LARP1B: variants seen among roughly 807,000 people sequenced by gnomAD.
The protein encoded by LARP1B is La ribonucleoprotein 1B.
Under a neutral mutation model 114.2 loss-of-function variants are expected in LARP1B, and 76 were observed. The ratio of observed to expected loss-of-function variants is 0.67; its 90% CI spans 0.55 to 0.81. LARP1B has a LOEUF of 0.81. LARP1B is among the 30% of genes least tolerant of loss of function. The pLI, the probability that LARP1B is intolerant of heterozygous loss-of-function variation, is 0.00. For synonymous variants in LARP1B, 345 were observed against 348.0 expected (o/e 0.99, Z 0.10); for missense variants, 1,014 against 1,075.8 (o/e 0.94, Z 0.80).
At chr4:128,198,086 T>C (rs967909187) in intron 15 of LARP1B, among the ~76,000 whole-genome samples, 27 of 152,058 alleles carry the variant, frequency 1.8e-4, no homozygotes, top group Non-Finnish European at 3.4e-4. Context: ...GGTTTCACCA[T>C]GTTGGCCAGG....
chr4:128,122,479 T>G (rs1444257613), intron 11 of LARP1B: 1 of 1,526,996 alleles, frequency 6.5e-7, no homozygotes, highest in African/African-American at 1.4e-5. Context: ...GTTTTTGTTT[T>G]AGGTGACAAT....
At chr4:128,172,508 C>T (rs1744168913) in intron 12 of LARP1B, among the ~76,000 whole-genome samples, 1 of 152,030 alleles carries the variant, frequency 6.6e-6, no homozygotes, top group Admixed American at 6.5e-5. Context: ...GCCTGGCCAA[C>T]ATGGTGAAAC....
At chr4:128,219,031 A>G (rs1256511397) in intron 6 of LARP1B, among the ~76,000 whole-genome samples, 2 of 133,942 alleles carry the variant, frequency 1.5e-5, no homozygotes, top group African/African-American at 5.6e-5. Context: ...GCAGCCAAAA[A>G]ACACATGAAA....
In LARP1B at chr4:128,065,322, T is replaced by TTTC. The variant is rs1403545113; in HGVS notation, c.-78+3921_-78+3922insTTC. ...CTTTCTTTCTTTCTTTCTTTCTCTC[T>TTTC]CTCTCTCTCTTTCCTTTCTTTTCTT... is the stretch of plus-strand genomic sequence containing the variant. On this transcript the variant is annotated intron_variant, in intron 1 of 19. Coordinates refer to ENST00000326639, the MANE Select transcript of LARP1B (RefSeq NM_018078.4). Among the ~76,000 whole-genome samples the TTTC allele has an allele frequency of 8.8e-3, 1,271 of 143,896 alleles. 32 individuals carry two copies. Among genetic ancestry groups the TTTC allele is most frequent in the Non-Finnish European group, 0.012 (790 of 65,880 alleles). 94.4% of individuals were successfully genotyped at this position (143,896 alleles called of 152,430 possible).
At chr4:128,082,051 T>G (rs1231226610) in intron 4 of LARP1B, 114 bp from the exon 5 acceptor site, 1 of 1,022,312 alleles carries the variant, frequency 9.8e-7, no homozygotes, top group Non-Finnish European at 1.5e-6. Flanking sequence ...ACAAATAATC[T>G]TAAAATACAC....
chr4:128,099,028 C>T (rs964785807), intron 8 of LARP1B, among the ~76,000 whole-genome samples: 17 of 150,850 alleles, frequency 1.1e-4, no homozygotes, highest in East Asian at 2.0e-4. Context: ...CGCCCACCTT[C>T]GCCTCCCAAA....
chr4:128,115,808 A>C (rs903693199), intron 10 of LARP1B, among the ~76,000 whole-genome samples: 5 of 152,050 alleles, frequency 3.3e-5, no homozygotes, highest in African/African-American at 9.7e-5. Flanking sequence ...GGGTCACTCC[A>C]CCATGCCCAA....
At chr4:128,134,876 G>C (rs1428258879) in intron 11 of LARP1B, among the ~76,000 whole-genome samples, 1 of 152,132 alleles carries the variant, frequency 6.6e-6, no homozygotes, top group East Asian at 1.9e-4. Context: ...AGGCTGAGGT[G>C]GGTCAATCAC....
rs1391115158 is a variant in LARP1B at position 128,090,042 on chromosome 4, GT to G, written c.359-958del. On this transcript the variant is annotated intron_variant, in intron 5 of 19. Transcript: ENST00000326639. ...CCTGTCTCAGCCTACCAAAGTGCTG[GT>G]ATTACAAGTGTGAGCCACCACACCG... Among the ~76,000 whole-genome samples, 6 of 149,414 alleles carry G rather than the reference GT, an allele frequency of 4.0e-5. No individual in the cohort carries two copies. The South Asian group carries it at 1.1e-3, about 26-fold the overall frequency.
rs1775769998 is a variant in LARP1B, at chr4:128,091,145, G to A, written c.502+1G>A. 6 of 1,607,854 alleles carry A rather than the reference G, an allele frequency of 3.7e-6. No individual in the cohort carries two copies. Among genetic ancestry groups the A allele is most frequent in the Non-Finnish European group, 5.1e-6 (6 of 1,178,670 alleles). On this transcript the variant is annotated splice_donor_variant, in intron 6 of 19. Transcript: ENST00000326639. LOFTEE classifies it high-confidence loss of function. ...GGACGAGGCAGAGGAAATCCTCGAT[G>A]TATGACATAATTTTTGTTTCGTTAA...
chr4:128,065,315 T>TTCTTTCTC (rs1300396452), intron 1 of LARP1B, among the ~76,000 whole-genome samples: 47 of 80,656 alleles, frequency 5.8e-4, no homozygotes, highest in East Asian at 1.4e-3. Context: ...CTTTCTTTCT[T>TTCTTTCTC]TCTCTCTCTC....
downstream of LARP1B, among the ~76,000 whole-genome samples, chr4:128,212,932 T>TTTTTG (rs1759189669): frequency 6.7e-6 from 1 of 148,756 alleles, no homozygotes; most frequent in South Asian, 2.2e-4. Context: ...TTTTTTTTTT[T>TTTTTG]TTTGAGATGG....
chr4:128,111,743 A>AGT (rs1384794303), intron 9 of LARP1B, among the ~76,000 whole-genome samples: 2 of 152,052 alleles, frequency 1.3e-5, no homozygotes, highest in Admixed American at 1.3e-4. Context: ...CCCAGGCTGG[A>AGT]GTGCAGTGGC....
At chr4:128,076,657 AC>A (rs776527346) in intron 3 of LARP1B, among the ~76,000 whole-genome samples, 3 of 152,124 alleles carry the variant, frequency 2.0e-5, no homozygotes, top group Non-Finnish European at 4.4e-5. Flanking sequence ...TTTTTAAGAA[AC>A]TGCTGAGTTT....
chr4:128,147,787 T>C (rs893571986), intron 11 of LARP1B, among the ~76,000 whole-genome samples: 4 of 152,288 alleles, frequency 2.6e-5, no homozygotes, highest in Admixed American at 6.5e-5. Context: ...AAAAGAGTTA[T>C]GGCCAGTAAT....
At chr4:128,125,671 G>A (rs541900586) in intron 11 of LARP1B, among the ~76,000 whole-genome samples, 11 of 152,304 alleles carry the variant, frequency 7.2e-5, no homozygotes, top group African/African-American at 1.4e-4. Flanking sequence ...ACTTGAACCC[G>A]GGAGGTGGAG....
intron 11 of LARP1B, among the ~76,000 whole-genome samples, chr4:128,153,183 A>G (rs1398909849): frequency 1.3e-5 from 2 of 151,468 alleles, no homozygotes; most frequent in African/African-American, 2.4e-5. Context: ...GGGTGTCACT[A>G]TGTTGGCCAG....
chr4:128,099,017 C>T (rs1779307809), intron 8 of LARP1B, among the ~76,000 whole-genome samples: 2 of 150,728 alleles, frequency 1.3e-5, no homozygotes, highest in South Asian at 4.2e-4. Context: ...ACCTTGTGAT[C>T]CGCCCACCTT....
chr4:128,161,320 T>C (rs1738383862), intron 11 of LARP1B, among the ~76,000 whole-genome samples: 1 of 152,068 alleles, frequency 6.6e-6, no homozygotes, highest in African/African-American at 2.4e-5. Context: ...CATTTGTAGG[T>C]CAGGGCCGGA....
Sources: gnomAD v4.1 joint callset for allele counts (sites outside exome capture counted in the v4.1 genomes callset) on GRCh38, gnomAD v4.1.1 for gene constraint, MANE v1.5 for transcripts, NCBI Gene and HGNC (gene_info 2026-07-23, HGNC 2026-07-21) for gene names.